VAC14: variants seen among roughly 807,000 people sequenced by gnomAD.
VAC14 encodes VAC14 component of PIKFYVE complex.
A neutral mutation model predicts 85.3 loss-of-function variants in VAC14; 47 were observed. The ratio of observed to expected loss-of-function variants is 0.55; its 90% CI spans 0.44 to 0.70. The LOEUF (loss-of-function observed/expected upper bound fraction) is 0.70. Ranked by LOEUF, VAC14 falls within the 30% of genes least tolerant of loss-of-function variation. The pLI, the probability that VAC14 is intolerant of heterozygous loss-of-function variation, is 0.00. For missense variants in VAC14, 861 were observed against 1,004.3 expected, an observed-to-expected ratio of 0.86 and a Z score of 1.93; for synonymous variants, 447 against 430.5, an observed-to-expected ratio of 1.04 and a Z score of -0.47.
intron 14 of VAC14, among the ~76,000 whole-genome samples, chr16:70,708,846 G>T (rs2053972860): frequency 6.6e-6 from 1 of 152,246 alleles, no homozygotes; most frequent in Non-Finnish European, 1.5e-5. Flanking sequence ...TCTGGCCCCT[G>T]CCTGGAGACC....
chr16:70,793,965 A>C (rs920458722), intron 1 of VAC14, among the ~76,000 whole-genome samples: 1 of 152,212 alleles, frequency 6.6e-6, no homozygotes, highest in African/African-American at 2.4e-5. Context: ...TGACGTAGGA[A>C]TGAGCATGTA....
chr16:70,755,880 C>T (rs2031802827), intron 12 of VAC14: 1 of 392,660 alleles, frequency 2.5e-6, no homozygotes, highest in Non-Finnish European at 5.1e-6. Context: ...AGAGCAGCCC[C>T]AGCCACCTGG....
chr16:70,715,426 G>A (rs944370138), intron 14 of VAC14: 3 of 152,344 alleles, frequency 2.0e-5, no homozygotes, highest in Non-Finnish European at 4.4e-5. Context: ...CCCACTGGTG[G>A]GCACTGTGCC....
chr16:70,716,648 G>A (rs2054172936), intron 14 of VAC14: 1 of 152,244 alleles, frequency 6.6e-6, no homozygotes, highest in Admixed American at 6.5e-5. Context: ...TTGGCCCTGC[G>A]GCTACCCAGG....
chr16:70,694,570 T>A (rs1267381459), intron 17 of VAC14, among the ~76,000 whole-genome samples: 1 of 152,182 alleles, frequency 6.6e-6, no homozygotes, highest in East Asian at 1.9e-4. Context: ...GGGCTCAGGC[T>A]GATGGGCTTA....
At position 70,687,801 on chromosome 16, in the gene VAC14, A is replaced by G. The variant is rs917875482; in HGVS notation, c.*127T>C. 17 of 1,099,336 alleles carry G rather than the reference A, an allele frequency of 1.5e-5. No homozygotes were observed. In the African/African-American group the frequency reaches 2.4e-4, roughly 16 times the overall value. 68.1% of individuals were successfully genotyped at this position (1,099,336 alleles called of 1,614,324 possible). ...GCAGACACAGCAGCCTCCGGCCCCA[A>G]CACTGCCCTGGGTTGGCAGGCCCAG... On this transcript the variant is annotated 3_prime_UTR_variant, in exon 19 of 19. Coordinates refer to ENST00000261776, the MANE Select transcript of VAC14 (RefSeq NM_018052.5).
chr16:70,756,294 T>C (rs2031850521), intron 12 of VAC14, among the ~76,000 whole-genome samples: 1 of 152,176 alleles, frequency 6.6e-6, no homozygotes. Flanking sequence ...GGGCCGTTCC[T>C]CTGGGCTCCT....
At chr16:70,697,869 C>T (rs1293602099) in intron 15 of VAC14, among the ~76,000 whole-genome samples, 2 of 152,200 alleles carry the variant, frequency 1.3e-5, no homozygotes, top group African/African-American at 4.8e-5. Flanking sequence ...CTGGATATCC[C>T]CGAGGCTCCT....
chr16:70,723,773 C>A (rs192080762), intron 14 of VAC14, among the ~76,000 whole-genome samples: 5 of 152,164 alleles, frequency 3.3e-5, no homozygotes, highest in Non-Finnish European at 7.4e-5. Context: ...CAACAAAGAA[C>A]GTGCTTTTAG....
At chr16:70,704,317 A>G (rs2053881936) in intron 14 of VAC14, among the ~76,000 whole-genome samples, 2 of 152,172 alleles carry the variant, frequency 1.3e-5, no homozygotes, top group South Asian at 4.1e-4. Context: ...GCGGTGGGAG[A>G]AAGGCATGGA....
At chr16:70,788,420 G>A (rs2034170426) in intron 1 of VAC14, among the ~76,000 whole-genome samples, 1 of 152,250 alleles carries the variant, frequency 6.6e-6, no homozygotes, top group Non-Finnish European at 1.5e-5. Flanking sequence ...AGCTGTACAA[G>A]TGGCCTGTGA....
intron 12 of VAC14, among the ~76,000 whole-genome samples, chr16:70,760,006 G>A (rs1223838601): frequency 6.6e-6 from 1 of 152,192 alleles, no homozygotes; most frequent in Non-Finnish European, 1.5e-5. Context: ...ACCGTCGTGA[G>A]GGTTCTACAG....
chr16:70,762,667 T>A lies in VAC14; in HGVS notation c.1306-62A>T. On this transcript the variant is annotated intron_variant, in intron 11 of 18. Coordinates refer to ENST00000261776, the MANE Select transcript of VAC14 (RefSeq NM_018052.5). The surrounding 1 kb of genome is among the most constrained non-coding windows in gnomAD (Gnocchi z 4.1). ...CCCTTCGCCCCGGGACTACGTGCAG[T>A]GCAGTGTCCCGCTGGTGTGCACGGA... The A allele has an allele frequency of 6.4e-7, 1 of 1,564,562 alleles. No individual in the cohort carries two copies. Among genetic ancestry groups the A allele is most frequent in the Non-Finnish European group, 8.8e-7 (1 of 1,139,306 alleles).
intron 10 of VAC14, among the ~76,000 whole-genome samples, chr16:70,767,794 T>C (rs1386845588): frequency 6.6e-6 from 1 of 152,232 alleles, no homozygotes; most frequent in Admixed American, 6.5e-5. Flanking sequence ...ACAAGGTTCT[T>C]GTAATAACAA....
intron 14 of VAC14, among the ~76,000 whole-genome samples, chr16:70,702,468 C>T (rs2053847939): frequency 6.6e-6 from 1 of 152,098 alleles, no homozygotes; most frequent in Non-Finnish European, 1.5e-5. Flanking sequence ...CAGCCGCTCG[C>T]TCAACCACCC....
At chr16:70,791,996 G>A (rs573173580) in intron 1 of VAC14, among the ~76,000 whole-genome samples, 112 of 152,288 alleles carry the variant, frequency 7.4e-4, no homozygotes, top group Non-Finnish European at 1.4e-3. Context: ...CCATTACTAG[G>A]ACCCAAAAAT....
intron 10 of VAC14, chr16:70,769,523 A>G (rs1260542346): frequency 6.6e-6 from 1 of 152,232 alleles, no homozygotes; most frequent in African/African-American, 2.4e-5. Flanking sequence ...GGTGACACTG[A>G]CTGTGCAGCT....
At chr16:70,773,323 G>A (rs1363384554) in intron 9 of VAC14, 1 of 152,192 alleles carries the variant, frequency 6.6e-6, no homozygotes, top group Non-Finnish European at 1.5e-5. Context: ...CTCAATACCT[G>A]TCTTAGTATT....
chr16:70,731,241 A>C (rs1024537943), intron 14 of VAC14: 1 of 1,202,288 alleles, frequency 8.3e-7, no homozygotes, highest in Non-Finnish European at 1.0e-6. Context: ...CCTCAGGGGA[A>C]GATAGTAACT....
Sources: gnomAD v4.1 joint callset for allele counts (sites outside exome capture counted in the v4.1 genomes callset) on GRCh38, gnomAD v4.1.1 for gene constraint, Gnocchi (gnomAD v3.1) non-coding constraint, MANE v1.5 for transcripts, NCBI Gene and HGNC (gene_info 2026-07-23, HGNC 2026-07-21) for gene names.